NKAIN2: variants seen among roughly 807,000 people sequenced by gnomAD.
NKAIN2 encodes sodium/potassium transporting ATPase interacting 2.
In NKAIN2, 14 loss-of-function variants were observed where a neutral mutation model predicts 32.6. The ratio of observed to expected loss-of-function variants is 0.43; its 90% CI spans 0.28 to 0.67. The LOEUF (loss-of-function observed/expected upper bound fraction) is 0.67, where lower values mean the gene tolerates loss of function less well. NKAIN2 is among the 30% of genes least tolerant of loss of function. The pLI is 0.17. For synonymous variants in NKAIN2, 80 were observed against 87.2 expected (o/e 0.92, Z 0.46); for missense variants, 198 against 258.3 (o/e 0.77, Z 1.60).
At chr6:124,352,465 A>C (rs1798776654) in intron 2 of NKAIN2, among the ~76,000 whole-genome samples, 1 of 152,250 alleles carries the variant, frequency 6.6e-6, no homozygotes, top group South Asian at 2.1e-4. Context: ...ATATAATTTT[A>C]GTTATGAAAT....
chr6:123,912,926 A>G (rs990566690), intron 1 of NKAIN2, among the ~76,000 whole-genome samples: 1 of 152,238 alleles, frequency 6.6e-6, no homozygotes, highest in Non-Finnish European at 1.5e-5. Context: ...AGTGAAAGCT[A>G]CTTAGTAAAA....
intron 3 of NKAIN2, among the ~76,000 whole-genome samples, chr6:124,590,440 A>G (rs1165994942): frequency 6.6e-6 from 1 of 152,112 alleles, no homozygotes; most frequent in Non-Finnish European, 1.5e-5. Context: ...ATACTACCAC[A>G]CCCTCATTTC....
intron 3 of NKAIN2, among the ~76,000 whole-genome samples, chr6:124,468,030 A>C (rs766579467): frequency 3.3e-5 from 5 of 152,108 alleles, no homozygotes; most frequent in Non-Finnish European, 7.4e-5. Flanking sequence ...GTTGAAGTGA[A>C]TAACAAGGTG....
At chr6:124,368,439 A>T (rs1225553456) in intron 3 of NKAIN2, among the ~76,000 whole-genome samples, 1 of 151,716 alleles carries the variant, frequency 6.6e-6, no homozygotes, top group Non-Finnish European at 1.5e-5. Flanking sequence ...TATTCCTAAA[A>T]CCTCTTTCAG....
chr6:124,633,473 A>G (rs1046368079), intron 3 of NKAIN2, among the ~76,000 whole-genome samples: 1 of 152,168 alleles, frequency 6.6e-6, no homozygotes, highest in African/African-American at 2.4e-5. Flanking sequence ...TTTCTTCTCC[A>G]ATTATAGCCA....
chr6:124,509,412 C>T (rs1409403787), intron 3 of NKAIN2, among the ~76,000 whole-genome samples: 1 of 152,184 alleles, frequency 6.6e-6, no homozygotes, highest in African/African-American at 2.4e-5. Context: ...CATATATACT[C>T]GGTTTTGTTC....
chr6:124,197,784 A>T (rs989559251), intron 1 of NKAIN2, among the ~76,000 whole-genome samples: 1 of 148,338 alleles, frequency 6.7e-6, no homozygotes, highest in African/African-American at 2.5e-5. Context: ...AATACCACTG[A>T]TCAGTTTTCT....
rs1786302987 is a variant in NKAIN2, at chr6:124,128,621, AATAGCAAGG to A, written c.55-154383_55-154375del. On this transcript the variant is annotated intron_variant, in intron 1 of 6. Transcript: ENST00000368417. ...AGAGAGAGGTTTAGCATAGGAAGGA[AATAGCAAGG>A]TTGGGATTTAAACCTAGTTAGTATA... Among the ~76,000 whole-genome samples, 7 of 152,332 alleles carry A rather than the reference AATAGCAAGG, an allele frequency of 4.6e-5. No homozygotes were observed. In the South Asian group the frequency reaches 1.5e-3, roughly 32 times the overall value.
chr6:124,295,000 T>A (rs1377726782), intron 2 of NKAIN2, among the ~76,000 whole-genome samples: 3 of 152,306 alleles, frequency 2.0e-5, no homozygotes, highest in African/African-American at 7.2e-5. Context: ...AATTCATTTT[T>A]ATGGGAGTGT....
chr6:124,767,189 C>T (rs184522320), intron 4 of NKAIN2, among the ~76,000 whole-genome samples: 2 of 152,112 alleles, frequency 1.3e-5, no homozygotes, highest in Admixed American at 6.5e-5. Context: ...CCACCGCGCC[C>T]GGCCCTATTT....
intron 3 of NKAIN2, among the ~76,000 whole-genome samples, chr6:124,473,970 G>A (rs1310667266): frequency 3.9e-5 from 6 of 152,120 alleles, no homozygotes; most frequent in Non-Finnish European, 5.9e-5. Flanking sequence ...ATAATTGATC[G>A]TTTCAGCCAC....
intron 3 of NKAIN2, among the ~76,000 whole-genome samples, chr6:124,565,932 C>G (rs1032123455): frequency 4.6e-5 from 7 of 152,078 alleles, no homozygotes; most frequent in African/African-American, 1.4e-4. Flanking sequence ...AAATAAAAAC[C>G]ACTAAATTCA....
At chr6:123,854,960 G>T (rs1775500416) in intron 1 of NKAIN2, among the ~76,000 whole-genome samples, 1 of 152,190 alleles carries the variant, frequency 6.6e-6, no homozygotes, top group Non-Finnish European at 1.5e-5. Context: ...GAAATGAAAT[G>T]ATTCTCTTCA....
intron 2 of NKAIN2, among the ~76,000 whole-genome samples, chr6:124,316,006 AAG>A (rs1415585328): frequency 6.6e-6 from 1 of 152,088 alleles, no homozygotes; most frequent in Non-Finnish European, 1.5e-5. Flanking sequence ...AAAATCAACA[AAG>A]AGGATTTGGT....
At chr6:124,033,261 T>C (rs951420419) in intron 1 of NKAIN2, among the ~76,000 whole-genome samples, 9 of 152,150 alleles carry the variant, frequency 5.9e-5, no homozygotes, top group Admixed American at 2.0e-4. Flanking sequence ...GTAGAGTTAA[T>C]TGTGTTGCAT....
chr6:124,365,616 T>C (rs1159032145), intron 3 of NKAIN2, among the ~76,000 whole-genome samples: 1 of 151,870 alleles, frequency 6.6e-6, no homozygotes, highest in Non-Finnish European at 1.5e-5. Context: ...ACTCTCTGGA[T>C]ACATCAATCA....
At chr6:124,564,433 G>A (rs1322420972) in intron 3 of NKAIN2, among the ~76,000 whole-genome samples, 1 of 152,156 alleles carries the variant, frequency 6.6e-6, no homozygotes, top group East Asian at 1.9e-4. Flanking sequence ...CTGTAAAATG[G>A]ACCAATCAGT....
chr6:124,783,299 G>T (rs575409532), intron 4 of NKAIN2, among the ~76,000 whole-genome samples: 1 of 152,188 alleles, frequency 6.6e-6, no homozygotes, highest in Non-Finnish European at 1.5e-5. Context: ...TTCATAACAG[G>T]AATGATTTGG....
intron 3 of NKAIN2, among the ~76,000 whole-genome samples, chr6:124,647,893 A>G (rs959369488): frequency 9.2e-5 from 14 of 152,348 alleles, no homozygotes; most frequent in Middle Eastern, 3.4e-3. Context: ...AGTGACTAAC[A>G]TGCTCTGTAA....
Sources: gnomAD v4.1 joint callset for allele counts (sites outside exome capture counted in the v4.1 genomes callset) on GRCh38, gnomAD v4.1.1 for gene constraint, MANE v1.5 for transcripts, NCBI Gene and HGNC (gene_info 2026-07-23, HGNC 2026-07-21) for gene names.